The following AKR1D1 variants were observed in gnomAD, a reference collection of about 807,000 sequenced individuals.
AKR1D1 encodes delta(4)-3-ketosteroid 5-beta-reductase.
In AKR1D1, 32 loss-of-function variants were observed where a neutral mutation model predicts 42.6. That is an observed-to-expected ratio of 0.75 (90% CI 0.57 to 1.01). The LOEUF is 1.01. Ranked by LOEUF, AKR1D1 falls within the 50% of genes least tolerant of loss-of-function variation. AKR1D1 has a pLI of 0.00. For synonymous variants in AKR1D1, 123 were observed against 135.5 expected, an observed-to-expected ratio of 0.91 and a Z score of 0.64; for missense variants, 364 against 402.2, an observed-to-expected ratio of 0.91 and a Z score of 0.81.
intron 3 of AKR1D1, among the ~76,000 whole-genome samples, chr7:138,095,538 G>GTTTTC (rs1794167052): frequency 6.6e-6 from 1 of 152,094 alleles, no homozygotes; most frequent in Non-Finnish European, 1.5e-5. Flanking sequence ...GTTTTGTTTT[G>GTTTTC]TTTTGAGATG....
At chr7:138,094,795 C>T (rs996991757) in intron 3 of AKR1D1, among the ~76,000 whole-genome samples, 2 of 152,216 alleles carry the variant, frequency 1.3e-5, no homozygotes, top group Middle Eastern at 3.2e-3. Flanking sequence ...GCTGGGATTA[C>T]AGGCATGAGC....
chr7:138,112,630 T>C (rs1355219100), intron 7 of AKR1D1, among the ~76,000 whole-genome samples: 2 of 152,150 alleles, frequency 1.3e-5, no homozygotes, highest in Admixed American at 6.5e-5. Flanking sequence ...GACAAGATTT[T>C]CATTATTTAT....
Position 138,097,883 on chromosome 7 carries a change from C to T in AKR1D1, c.396C>T (p.Tyr132=), listed in dbSNP as rs149920599. The T allele has an allele frequency of 5.9e-5, 94 of 1,606,054 alleles. 1 individual carries two copies. The African/African-American group carries it at 8.5e-4, about 15-fold the overall frequency. The change falls in exon 4 of 9, where the codon TAC becomes TAT. Residue 132 remains tyrosine (Y), a synonymous_variant. Coordinates refer to ENST00000242375, the MANE Select transcript of AKR1D1 (RefSeq NM_005989.4). The stretch of plus-strand genomic sequence containing the variant: ...TTTTTCAGCCAGGAGATGAAATATA[C>T]CCTAGAGATGAGAATGGCAAATGGT... ...PMAFKPGDEI[Y]PRDENGKWLY...
chr7:138,113,224 G>A (rs886341603), intron 7 of AKR1D1, among the ~76,000 whole-genome samples: 14 of 151,870 alleles, frequency 9.2e-5, no homozygotes, highest in African/African-American at 3.1e-4. Context: ...ACTGAGGCAT[G>A]AGACTAGCTT....
chr7:138,114,170 G>C lies in AKR1D1; in HGVS notation c.938+398G>C, dbSNP rs1794588270. Among the ~76,000 whole-genome samples the C allele has an allele frequency of 2.6e-5, 4 of 152,292 alleles. No individual in the cohort carries two copies. The South Asian group carries it at 8.3e-4, about 32-fold the overall frequency. ...GTTATAAAAAAAAATTTCTAAGGGA[G>C]AGGCATGATGATGTTGTAGAAAGAG... On this transcript the variant is annotated intron_variant, in intron 8 of 8. Coordinates refer to ENST00000242375, the MANE Select transcript of AKR1D1 (RefSeq NM_005989.4).
At chr7:138,102,437 G>A (rs1047190141) in intron 4 of AKR1D1, among the ~76,000 whole-genome samples, 2 of 152,070 alleles carry the variant, frequency 1.3e-5, no homozygotes, top group African/African-American at 2.4e-5. Flanking sequence ...CATGGGAGTT[G>A]CATGTGCCTG....
At chr7:138,084,850 G>A (rs1422842558) in intron 1 of AKR1D1, among the ~76,000 whole-genome samples, 2 of 152,100 alleles carry the variant, frequency 1.3e-5, no homozygotes, top group East Asian at 3.9e-4. Flanking sequence ...AAGGTCAAGA[G>A]ATCGAGACCA....
At chr7:138,112,930 A>G (rs543456515) in intron 7 of AKR1D1, among the ~76,000 whole-genome samples, 3 of 152,234 alleles carry the variant, frequency 2.0e-5, no homozygotes, top group African/African-American at 7.2e-5. Flanking sequence ...TAATTAGAAT[A>G]AAAAGGTAGA....
Position 138,107,489 on chromosome 7 carries a change from C to T in AKR1D1, c.764C>T (p.Ala255Val). Residue 255 changes from alanine (A) to valine (V), a missense_variant, in exon 7 of 9, where the codon GCA (alanine) becomes GTA (valine). Ala to Val is a moderately conservative substitution (Grantham distance 64). Transcript: ENST00000242375. The stretch of plus-strand genomic sequence containing the variant: ...TTGGGGAAAAGGTACAATAAGACAG[C>T]AGCTCAAATTGTTTTGCGTTTCAAC... ...NSLGKRYNKT[A>V]AQIVLRFNIQ... 6.2e-7 allele frequency: 1 copy of T among 1,614,068 alleles called. No individual in the cohort carries two copies. Among genetic ancestry groups the T allele is most frequent in the Non-Finnish European group, 8.5e-7 (1 of 1,179,930 alleles).
At chr7:138,100,447 C>A (rs566669964) in intron 4 of AKR1D1, among the ~76,000 whole-genome samples, 2 of 152,002 alleles carry the variant, frequency 1.3e-5, no homozygotes, top group Non-Finnish European at 2.9e-5. Context: ...AAAAGTCTTT[C>A]AAAAAGCAAA....
chr7:138,100,111 A>AAAAAAC (rs1794264524), intron 4 of AKR1D1, among the ~76,000 whole-genome samples: 2 of 127,600 alleles, frequency 1.6e-5, no homozygotes, highest in African/African-American at 6.1e-5. Context: ...AAAAAAAAAA[A>AAAAAAC]AAAAAAACAT....
chr7:138,091,201 G>C (rs1184835269), intron 2 of AKR1D1: 1 of 160,338 alleles, frequency 6.2e-6, no homozygotes, highest in Non-Finnish European at 1.4e-5. Context: ...TAAGTCTCTT[G>C]TGGTAGATTT....
rs1585746513 is a variant in AKR1D1 at position 138,116,794 on chromosome 7, T to TA, written c.*134dup. Reference sequence around the variant, plus strand: ...GAAGAAATAATGATGGAAACATGTTTAATGTTTGTGCAGTGTAAATGACTT... The same window carrying TA: ...GAAGAAATAATGATGGAAACATGTTTAAATGTTTGTGCAGTGTAAATGACTT... On this transcript the variant is annotated 3_prime_UTR_variant, in exon 9 of 9. Transcript: ENST00000242375. 1 of 812,918 alleles carries TA rather than the reference T, an allele frequency of 1.2e-6. No individual in the cohort carries two copies. Among genetic ancestry groups the TA allele is most frequent in the East Asian group, 2.5e-5 (1 of 40,680 alleles). 50.4% of individuals were successfully genotyped at this position (812,918 alleles called of 1,614,324 possible). A position where few individuals can be genotyped will look rare whatever the true frequency, so the allele number is the denominator to read the frequency against.
At chr7:138,100,768 G>A (rs191282093) in intron 4 of AKR1D1, among the ~76,000 whole-genome samples, 2,428 of 140,866 alleles carry the variant, frequency 0.017, 72 homozygotes, top group African/African-American at 0.061. Flanking sequence ...GCAGTGGCGC[G>A]ATCTCAGCTC....
chr7:138,103,641 C>T (rs1039117695), intron 4 of AKR1D1, among the ~76,000 whole-genome samples: 4 of 149,202 alleles, frequency 2.7e-5, no homozygotes, highest in Admixed American at 2.7e-4. Flanking sequence ...TAAAAAAAAA[C>T]ACACACTCAC....
Position 138,088,840 on chromosome 7 carries a change from C to CTGTG in AKR1D1, c.261+72_261+73insTGTG, listed in dbSNP as rs1794001201. 7.0e-6 allele frequency: 10 copies of CTGTG among 1,425,570 alleles called. No homozygotes were observed. In the African/African-American group the frequency reaches 8.6e-5, roughly 12 times the overall value. 88.3% of individuals were successfully genotyped at this position (1,425,570 alleles called of 1,614,324 possible). On this transcript the variant is annotated intron_variant, in intron 2 of 8. Coordinates refer to ENST00000242375, the MANE Select transcript of AKR1D1 (RefSeq NM_005989.4). ...AGTTGTTCATTTTATTATTCATCTT[C>CTGTG]CGTGTGTGTGTGTGTGTAATTGCAC...
At chr7:138,090,755 A>C (rs138845634) in intron 2 of AKR1D1, among the ~76,000 whole-genome samples, 148 of 152,290 alleles carry the variant, frequency 9.7e-4, no homozygotes, top group African/African-American at 3.4e-3. Flanking sequence ...GGGTATAAGC[A>C]ACCTTGGCAC....
intron 3 of AKR1D1, among the ~76,000 whole-genome samples, 178 bp downstream of exon 3, chr7:138,092,062 T>TCTGCACCATC (rs1562933163): frequency 6.6e-6 from 1 of 152,122 alleles, no homozygotes; most frequent in African/African-American, 2.4e-5. Flanking sequence ...TGCATGAAGC[T>TCTGCACCATC]AGCGTATTAC....
intron 4 of AKR1D1, 70 bp from the exon 5 acceptor site, chr7:138,105,237 C>T (rs1186972229): frequency 6.2e-6 from 10 of 1,605,406 alleles, no homozygotes; most frequent in Non-Finnish European, 8.5e-6. Context: ...AATTCACAGT[C>T]ACCCTTATAA....
Sources: allele counts gnomAD v4.1 joint callset (sites outside exome capture counted in the v4.1 genomes callset), GRCh38; gene constraint gnomAD v4.1.1; transcripts MANE v1.5; gene names NCBI Gene and HGNC (gene_info 2026-07-23, HGNC 2026-07-21).